The following INO80D variants were observed in gnomAD, a reference collection of about 807,000 sequenced individuals.
INO80D encodes the protein INO80 complex subunit D.
INO80D carries 21 observed loss-of-function variants against 87.6 expected under a neutral mutation model. That is an observed-to-expected ratio of 0.24 (90% CI 0.17 to 0.35). INO80D has a LOEUF of 0.35. Ranked by LOEUF, INO80D falls within the 10% of genes least tolerant of loss-of-function variation. INO80D has a pLI of 1.00. For synonymous variants in INO80D, 440 were observed against 491.0 expected, an observed-to-expected ratio of 0.90 and a Z score of 1.37; for missense variants, 982 against 1,280.7, an observed-to-expected ratio of 0.77 and a Z score of 3.56.
In INO80D at chr2:206,085,411, C is replaced by G. The variant is rs1690419670; in HGVS notation, c.-124+490G>C. 6.6e-6 allele frequency: 1 copy of G among 152,046 alleles called. No individual in the cohort carries two copies. The highest frequency in any genetic ancestry group is 2.4e-5 in the African/African-American group (1 of 41,420). The allele number at this position is 152,046 out of a possible 1,614,324, so 9.4% of individuals were successfully genotyped here. A position where few individuals can be genotyped will look rare whatever the true frequency, so the allele number is the denominator to read the frequency against. ...ACTCCTAGGCCCTGACGCCCCTGTC[C>G]CGGCAGCCCGGGCCTGCCGCCCCGC... On this transcript the variant is annotated intron_variant, in intron 1 of 10. Coordinates refer to ENST00000403263, the MANE Select transcript of INO80D (RefSeq NM_017759.5). This position sits in a 1 kb window ranked among gnomAD's most constrained non-coding sequence, Gnocchi z 4.5.
chr2:206,049,866 T>C (rs1331001449), intron 4 of INO80D, among the ~76,000 whole-genome samples: 2 of 152,268 alleles, frequency 1.3e-5, no homozygotes, highest in African/African-American at 4.8e-5. Context: ...GCATGGTGGC[T>C]CACGCCTGTA....
chr2:206,051,229 C>G (rs1689358794), intron 4 of INO80D, among the ~76,000 whole-genome samples: 1 of 151,676 alleles, frequency 6.6e-6, no homozygotes, highest in Non-Finnish European at 1.5e-5. Context: ...CTTTTCTTTT[C>G]TTTTCTTTTT....
chr2:206,048,030 T>G (rs1019416979), intron 4 of INO80D, among the ~76,000 whole-genome samples: 3 of 151,984 alleles, frequency 2.0e-5, no homozygotes, highest in African/African-American at 7.2e-5. Context: ...TTTTTTTTTG[T>G]ATTTTTAGTA....
intron 6 of INO80D, among the ~76,000 whole-genome samples, chr2:206,026,126 T>C (rs942611473): frequency 6.6e-6 from 1 of 152,052 alleles, no homozygotes; most frequent in Non-Finnish European, 1.5e-5. Context: ...CTCGAATTCG[T>C]GACCTCAAGT....
chr2:206,025,542 A>AAATATAT lies in INO80D; in HGVS notation c.1298+2568_1298+2569insATATATT, dbSNP rs71301548. 28 of 76,934 alleles carry AAATATAT rather than the reference A, an allele frequency of 3.6e-4. 1 individual carries two copies. Among genetic ancestry groups the AAATATAT allele is most frequent in the East Asian group, 2.2e-3 (5 of 2,296 alleles). The allele number at this position is 76,934 out of a possible 1,614,324, so 4.8% of individuals were successfully genotyped here. A position where few individuals can be genotyped will look rare whatever the true frequency, so the allele number is the denominator to read the frequency against. ...AAACTCCATCTCAAAAAAAAAAAAA[A>AAATATAT]ATATATATATATATATATATATATA... is the stretch of plus-strand genomic sequence containing the variant. On this transcript the variant is annotated intron_variant, in intron 6 of 10. Transcript: ENST00000403263.
At chr2:206,072,432 C>T (rs745319943) in intron 1 of INO80D, among the ~76,000 whole-genome samples, 8 of 151,886 alleles carry the variant, frequency 5.3e-5, no homozygotes, top group African/African-American at 1.5e-4. Context: ...CCCGCCACCA[C>T]GCCCAGCCAA....
intron 9 of INO80D, 102 bp from the exon 10 acceptor site, chr2:206,007,543 A>C: frequency 7.5e-7 from 1 of 1,338,754 alleles, no homozygotes; most frequent in Non-Finnish European, 1.0e-6. Context: ...AACGTCAGGC[A>C]GGGCACAGTG....
At chr2:206,016,439 G>C (rs1180785464) in intron 8 of INO80D, among the ~76,000 whole-genome samples, 1 of 152,292 alleles carries the variant, frequency 6.6e-6, no homozygotes, top group East Asian at 1.9e-4. Flanking sequence ...CAGGCTCATA[G>C]GCAGAAGAGA....
intron 10 of INO80D, among the ~76,000 whole-genome samples, chr2:206,006,020 C>T (rs1192963866): frequency 6.6e-6 from 1 of 152,158 alleles, no homozygotes; most frequent in Non-Finnish European, 1.5e-5. Context: ...GAAATTCATA[C>T]ATCTATTTGA....
intron 9 of INO80D, 61 bp downstream of exon 9, chr2:206,009,516 A>T: frequency 1.5e-6 from 2 of 1,343,768 alleles, no homozygotes; most frequent in South Asian, 1.4e-5. Context: ...ACATGAAGCT[A>T]GATGTTCTGA....
At chr2:206,005,973 T>C (rs1688013659) in intron 10 of INO80D, among the ~76,000 whole-genome samples, 1 of 152,174 alleles carries the variant, frequency 6.6e-6, no homozygotes, top group African/African-American at 2.4e-5. Context: ...CTCCTGACTC[T>C]CCCAGCTGGA....
At chr2:206,032,865 C>A (rs1243258961) in intron 5 of INO80D, among the ~76,000 whole-genome samples, 2 of 151,898 alleles carry the variant, frequency 1.3e-5, no homozygotes, top group African/African-American at 4.8e-5. Context: ...AAAACAGAAT[C>A]TTTTTAAAGC....
rs1459934329 is a variant in INO80D, at chr2:206,028,158, A to C, written c.1251T>G (p.Thr417=). ...LQAASKEPEC[T]GQLIQELRRA... ...TCCGCAGTTCTTGTATTAACTGACC[A>C]GTGCATTCTGGTTCTTTACTGGCCG... Residue 417 remains threonine, a synonymous_variant, in exon 6 of 11, where the codon ACT becomes ACG. Transcript: ENST00000403263. The C allele has an allele frequency of 6.4e-7, 1 of 1,574,214 alleles. No individual in the cohort carries two copies. Among genetic ancestry groups the C allele is most frequent in the African/African-American group, 1.4e-5 (1 of 74,004 alleles).
At chr2:206,019,399 T>C (rs962960426) in intron 7 of INO80D, among the ~76,000 whole-genome samples, 14 of 152,218 alleles carry the variant, frequency 9.2e-5, no homozygotes, top group African/African-American at 3.4e-4. Context: ...TTTTAAATAA[T>C]GTGATTTGAT....
chr2:206,050,517 A>T (rs1689328954), intron 4 of INO80D, among the ~76,000 whole-genome samples: 1 of 139,994 alleles, frequency 7.1e-6, no homozygotes, highest in Non-Finnish European at 1.6e-5. Flanking sequence ...AAAAAAAAAA[A>T]AAAAAAAGAT....
chr2:206,007,172 G>C, intron 10 of INO80D, 112 bp downstream of exon 10: 1 of 892,146 alleles, frequency 1.1e-6, no homozygotes. Flanking sequence ...TATCTACAGT[G>C]AAAGACATTA....
intron 4 of INO80D, among the ~76,000 whole-genome samples, chr2:206,053,022 A>G (rs370215263): frequency 6.7e-4 from 102 of 152,302 alleles, no homozygotes; most frequent in African/African-American, 2.3e-3. Flanking sequence ...CAGGGCTGAT[A>G]AAGATTTAGA....
chr2:206,055,294 A>G (rs544367214), intron 4 of INO80D, among the ~76,000 whole-genome samples: 5 of 152,372 alleles, frequency 3.3e-5, no homozygotes, highest in Admixed American at 3.3e-4. Context: ...TAGAAAACAT[A>G]GAATATCTGT....
At chr2:206,056,985 T>C in intron 3 of INO80D, 42 bp from the exon 4 acceptor site, 4 of 1,504,756 alleles carry the variant, frequency 2.7e-6, no homozygotes, top group Non-Finnish European at 3.6e-6. Flanking sequence ...TCATGATACA[T>C]ATTTTTTAAA....
Sources: gnomAD v4.1 joint callset for allele counts (sites outside exome capture counted in the v4.1 genomes callset) on GRCh38, gnomAD v4.1.1 for gene constraint, Gnocchi (gnomAD v3.1) non-coding constraint, MANE v1.5 for transcripts, NCBI Gene and HGNC (gene_info 2026-07-23, HGNC 2026-07-21) for gene names.